Variants in MFSD6 observed in about 807,000 individuals in gnomAD.
The protein encoded by MFSD6 is major facilitator superfamily domain containing 6, also known as major facilitator superfamily domain-containing protein 6.
Under a neutral mutation model 56.3 loss-of-function variants are expected in MFSD6, and 26 were observed. That is an observed-to-expected ratio of 0.46 (90% confidence interval 0.34 to 0.64). MFSD6 has a LOEUF of 0.64. MFSD6 is among the 30% of genes least tolerant of loss of function. MFSD6 has a pLI of 0.01. For missense variants in MFSD6, 750 were observed against 986.2 expected (o/e 0.76, Z 3.21); for synonymous variants, 331 against 366.9 (o/e 0.90, Z 1.12).
In MFSD6 at chr2:190,416,956, G is replaced by T. The variant is rs1690801689; in HGVS notation, c.-54+1543G>T. Among the ~76,000 whole-genome samples, 1 of 152,058 alleles carries T rather than the reference G, an allele frequency of 6.6e-6. No homozygotes were observed. Among genetic ancestry groups the T allele is most frequent in the African/African-American group, 2.4e-5 (1 of 41,400 alleles). On this transcript the variant is annotated intron_variant, in intron 2 of 7. Transcript: ENST00000392328. The surrounding 1 kb of genome is among the most constrained non-coding windows in gnomAD (Gnocchi z 4.1). ...ATATGTTTATTGTCATCAGGTGCTT[G>T]TCAAAATAAACAGTATTGAGAGCTT... is the stretch of plus-strand genomic sequence containing the variant.
intron 3 of MFSD6, among the ~76,000 whole-genome samples, chr2:190,450,175 G>A (rs1240973326): frequency 3.9e-5 from 6 of 152,036 alleles, no homozygotes; most frequent in South Asian, 4.1e-4. Flanking sequence ...AGTTTACTGC[G>A]TTTTTATTGT....
intron 4 of MFSD6, among the ~76,000 whole-genome samples, chr2:190,483,046 C>T (rs1191254007): frequency 2.0e-5 from 3 of 150,770 alleles, no homozygotes; most frequent in Non-Finnish European, 3.0e-5. Context: ...CGCCTGCCAC[C>T]GCGCCCGGCT....
Position 190,499,960 on chromosome 2 carries a change from G to C in MFSD6, c.2173-55G>C. On this transcript the variant is annotated intron_variant, in intron 7 of 7. Transcript: ENST00000392328. This position sits in a 1 kb window ranked among gnomAD's most constrained non-coding sequence, Gnocchi z 6.0. ...TCTTACTTGAAAGCATATATAAAAA[G>C]TTGGATTTATTTGCTATCACTGATC... 3.1e-6 allele frequency: 5 copies of C among 1,606,976 alleles called. No homozygotes were observed. The highest frequency in any genetic ancestry group is 4.3e-6 in the Non-Finnish European group (5 of 1,174,034).
At position 190,427,596 on chromosome 2, in the gene MFSD6, C is replaced by CT. The variant is rs917266873; in HGVS notation, c.-53-8374dup. Among the ~76,000 whole-genome samples, 13 of 152,182 alleles carry CT rather than the reference C, an allele frequency of 8.5e-5. 1 individual carries two copies. The highest frequency in any genetic ancestry group is 2.9e-4 in the African/African-American group (12 of 41,534). The stretch of plus-strand genomic sequence containing the variant: ...GTACCAAGGTCCATAGCTGGTCTGC[C>CT]TTTTTTTGTCTATCTTTCAGAGTCT... On this transcript the variant is annotated intron_variant, in intron 2 of 7. Transcript: ENST00000392328.
intron 4 of MFSD6, among the ~76,000 whole-genome samples, chr2:190,479,357 C>G (rs1464698083): frequency 6.6e-6 from 1 of 152,114 alleles, no homozygotes; most frequent in Admixed American, 6.5e-5. Flanking sequence ...AACATATTTC[C>G]TACCTATAAG....
In MFSD6 at chr2:190,463,972, C is replaced by T. The variant is rs1687466521; in HGVS notation, c.1533-5786C>T. 1.2e-6 allele frequency: 1 copy of T among 815,968 alleles called. No individual in the cohort carries two copies. The highest frequency in any genetic ancestry group is 1.5e-6 in the Non-Finnish European group (1 of 675,500). The allele number at this position is 815,968 out of a possible 1,614,324, so 50.5% of individuals were successfully genotyped here. ...CTGTGCTCCAGGGATCTGGTGTCAA[C>T]AACCAGCTCTTTTCATTAGGAAATC... is the stretch of plus-strand genomic sequence containing the variant. On this transcript the variant is annotated intron_variant, in intron 3 of 7. Coordinates refer to ENST00000392328, the MANE Select transcript of MFSD6 (RefSeq NM_017694.4). This position sits in a 1 kb window ranked among gnomAD's most constrained non-coding sequence, Gnocchi z 4.4.
In MFSD6 at chr2:190,433,953, G is replaced by T. The variant is rs1050579118; in HGVS notation, c.-53-2024G>T. Among the ~76,000 whole-genome samples the T allele has an allele frequency of 1.3e-5, 2 of 152,140 alleles. No homozygotes were observed. The highest frequency in any genetic ancestry group is 4.8e-5 in the African/African-American group (2 of 41,416). ...CGCCTGTAATCCCAGCACTTTGGGA[G>T]GCTGAGGCAAGAGGATCACTTGAGC... On this transcript the variant is annotated intron_variant, in intron 2 of 7. Transcript: ENST00000392328. The surrounding 1 kb of genome is among the most constrained non-coding windows in gnomAD (Gnocchi z 4.5).
At position 190,418,156 on chromosome 2, in the gene MFSD6, A is replaced by G. The variant is rs1178607844; in HGVS notation, c.-54+2743A>G. 6.6e-6 allele frequency among the ~76,000 whole-genome samples: 1 copy of G among 152,088 alleles called. No individual in the cohort carries two copies. The highest frequency in any genetic ancestry group is 2.4e-5 in the African/African-American group (1 of 41,410). Reference sequence around the variant, plus strand: ...AGAGCAGCACTGCTACTCATTCCCTATGTGACTTTGGGCTGGTTATTTGCC... The same window carrying G: ...AGAGCAGCACTGCTACTCATTCCCTGTGTGACTTTGGGCTGGTTATTTGCC... On this transcript the variant is annotated intron_variant, in intron 2 of 7. Transcript: ENST00000392328. The surrounding 1 kb of genome is among the most constrained non-coding windows in gnomAD (Gnocchi z 4.1).
rs1315534660 is a variant in MFSD6, at chr2:190,433,772, G to C, written c.-53-2205G>C. 1.3e-5 allele frequency among the ~76,000 whole-genome samples: 2 copies of C among 152,172 alleles called. No homozygotes were observed. Among genetic ancestry groups the C allele is most frequent in the African/African-American group, 4.8e-5 (2 of 41,436 alleles). On this transcript the variant is annotated intron_variant, in intron 2 of 7. Coordinates refer to ENST00000392328, the MANE Select transcript of MFSD6 (RefSeq NM_017694.4). The surrounding 1 kb of genome is among the most constrained non-coding windows in gnomAD (Gnocchi z 4.5). Reference sequence around the variant, plus strand: ...ATTGTCTACCTAGGAGCTTTGTAGAGATTAAAAAATGCTTACAAGTATAAT... The same window carrying C: ...ATTGTCTACCTAGGAGCTTTGTAGACATTAAAAAATGCTTACAAGTATAAT...
rs1054475794 is a variant in MFSD6, at chr2:190,471,271, G to A, written c.1630+1416G>A. Among the ~76,000 whole-genome samples the A allele has an allele frequency of 2.0e-5, 3 of 152,200 alleles. No homozygotes were observed. Among genetic ancestry groups the A allele is most frequent in the South Asian group, 2.1e-4 (1 of 4,834 alleles). Reference sequence around the variant, plus strand: ...GGATAGTGGGTGCAGCGCGGTGAGCGTGAGCTGAAGCAGGGCGAGGCATCA... The same window carrying A: ...GGATAGTGGGTGCAGCGCGGTGAGCATGAGCTGAAGCAGGGCGAGGCATCA... On this transcript the variant is annotated intron_variant, in intron 4 of 7. Coordinates refer to ENST00000392328, the MANE Select transcript of MFSD6 (RefSeq NM_017694.4). This position sits in a 1 kb window ranked among gnomAD's most constrained non-coding sequence, Gnocchi z 4.7.
chr2:190,436,378 A>T lies in MFSD6; in HGVS notation c.349A>T (p.Ser117Cys). ...VGIRYFIEFCSAPFWGVVADR... is the reference protein window; with the variant it reads ...VGIRYFIEFCCAPFWGVVADR... ...TATTCGTTACTTCATTGAATTCTGC[A>T]GTGCCCCCTTTTGGGGTGTAGTTGC... The change falls in exon 3 of 8, where the codon AGT becomes TGT. Residue 117 changes from serine (S) to cysteine (C), a missense_variant. This residue lies in a region of MFSD6 where 376 missense variants were observed against 437.9 expected (regional missense o/e 0.86). Transcript: ENST00000392328. The surrounding 1 kb of genome is among the most constrained non-coding windows in gnomAD (Gnocchi z 5.3). The T allele has an allele frequency of 6.2e-7, 1 of 1,614,208 alleles. No individual in the cohort carries two copies. Among genetic ancestry groups the T allele is most frequent in the Non-Finnish European group, 8.5e-7 (1 of 1,180,030 alleles).
Position 190,436,205 on chromosome 2 carries a change from A to C in MFSD6, c.176A>C (p.Lys59Thr). 1 of 1,614,188 alleles carries C rather than the reference A, an allele frequency of 6.2e-7. No individual in the cohort carries two copies. Among genetic ancestry groups the C allele is most frequent in the Non-Finnish European group, 8.5e-7 (1 of 1,179,996 alleles). ...IPEEEIDWIE[K>T]HCVKINNDLL... ...GAGGAGGAAATAGACTGGATAGAGA[A>C]ACATTGTGTTAAGATAAACAACGAT... Residue 59 changes from lysine (K) to threonine (T), a missense_variant, in exon 3 of 8, where the codon AAA becomes ACA. Around this residue, in one of 5 missense-constraint regions of MFSD6, gnomAD observed 76 missense variants for 101.9 expected, o/e 0.75. Coordinates refer to ENST00000392328, the MANE Select transcript of MFSD6 (RefSeq NM_017694.4). This position sits in a 1 kb window ranked among gnomAD's most constrained non-coding sequence, Gnocchi z 5.3.
At chr2:190,475,063 C>T (rs1688208335) in intron 4 of MFSD6, among the ~76,000 whole-genome samples, 2 of 152,116 alleles carry the variant, frequency 1.3e-5, no homozygotes, top group African/African-American at 4.8e-5. Flanking sequence ...TGGGACATAT[C>T]TCAAAATAAT....
At chr2:190,408,132 C>T (rs916666279), upstream of MFSD6, among the ~76,000 whole-genome samples, 1 of 151,518 alleles carries the variant, frequency 6.6e-6, no homozygotes, top group African/African-American at 2.4e-5. Context: ...CCGCAGGAGG[C>T]GGAGCGCTGC....
intron 4 of MFSD6, among the ~76,000 whole-genome samples, chr2:190,483,958 A>C (rs1319764766): frequency 3.3e-5 from 5 of 152,004 alleles, no homozygotes; most frequent in Non-Finnish European, 7.4e-5. Context: ...GGTAGTGTGG[A>C]TATATCTCTT....
In MFSD6 at chr2:190,417,965, GGTGTGTGT is replaced by G. The variant is rs59001642; in HGVS notation, c.-54+2581_-54+2588del. Among the ~76,000 whole-genome samples the G allele has an allele frequency of 1.7e-3, 240 of 144,706 alleles. 2 individuals carry two copies. Among genetic ancestry groups the G allele is most frequent in the African/African-American group, 3.1e-3 (119 of 38,612 alleles). The allele number at this position is 144,706 out of a possible 152,430, so 94.9% of individuals were successfully genotyped here. ...CTGACTTTTCATTTAACCCTTTAGT[GGTGTGTGT>G]GTGTGTGTGTGTGTGTGTGTGTGTG... On this transcript the variant is annotated intron_variant, in intron 2 of 7. Transcript: ENST00000392328. The surrounding 1 kb of genome is among the most constrained non-coding windows in gnomAD (Gnocchi z 5.7).
rs1204413847 is a variant in MFSD6, at chr2:190,494,347, T to A, written c.1892-3092T>A. On this transcript the variant is annotated intron_variant, in intron 6 of 7. Transcript: ENST00000392328. The surrounding 1 kb of genome is among the most constrained non-coding windows in gnomAD (Gnocchi z 5.7). Reference sequence around the variant, plus strand: ...CAGACAACTAAGTAGTGAGACTGAATCAGTAATAAAAAAATTGCCAACAAA... The same window carrying A: ...CAGACAACTAAGTAGTGAGACTGAAACAGTAATAAAAAAATTGCCAACAAA... 2.6e-5 allele frequency among the ~76,000 whole-genome samples: 4 copies of A among 151,842 alleles called. No homozygotes were observed. Among genetic ancestry groups the A allele is most frequent in the Non-Finnish European group, 5.9e-5 (4 of 67,874 alleles).
intron 4 of MFSD6, chr2:190,477,159 C>G (rs905398026): frequency 1.5e-6 from 1 of 681,794 alleles, no homozygotes; most frequent in African/African-American, 1.9e-5. Context: ...ACATATGTAA[C>G]AAACCTGCAC....
At position 190,436,421 on chromosome 2, in the gene MFSD6, G is replaced by C. The variant is rs1252479316; in HGVS notation, c.392G>C (p.Gly131Ala). ...GTAGTTGCAGACCGCTTTAAAAAAG[G>C]CAAAATTGTCCTCCTCTTTTCTCTT... ...WGVVADRFKKGKIVLLFSLLC... is the reference protein window; with the variant it reads ...WGVVADRFKKAKIVLLFSLLC... The change falls in exon 3 of 8, where the codon GGC (glycine) becomes GCC (alanine). Residue 131 changes from glycine (G) to alanine (A), a missense_variant. Gly to Ala is a moderately conservative substitution (Grantham distance 60, BLOSUM62 0). This residue lies in a region of MFSD6 where 376 missense variants were observed against 437.9 expected (regional missense o/e 0.86). Coordinates refer to ENST00000392328, the MANE Select transcript of MFSD6 (RefSeq NM_017694.4). The surrounding 1 kb of genome is among the most constrained non-coding windows in gnomAD (Gnocchi z 5.3). 2 of 1,614,094 alleles carry C rather than the reference G, an allele frequency of 1.2e-6. No homozygotes were observed. Among genetic ancestry groups the C allele is most frequent in the East Asian group, 4.5e-5 (2 of 44,874 alleles).
Sources: gnomAD v4.1 joint callset for allele counts (sites outside exome capture counted in the v4.1 genomes callset) on GRCh38, gnomAD v4.1.1 for gene constraint, gnomAD v4.1.1 regional missense constraint, Gnocchi (gnomAD v3.1) non-coding constraint, MANE v1.5 for transcripts, NCBI Gene and HGNC (gene_info 2026-07-23, HGNC 2026-07-21) for gene names.